Variants in FARSB observed in about 807,000 individuals in gnomAD.
FARSB encodes phenylalanine--tRNA ligase beta subunit.
Under a neutral mutation model 69.6 loss-of-function variants are expected in FARSB, and 40 were observed. The observed-to-expected ratio is 0.57, with a 90% confidence interval of 0.45 to 0.75. The LOEUF is 0.75. FARSB is among the 30% of genes least tolerant of loss of function. The pLI, the probability that FARSB is intolerant of heterozygous loss-of-function variation, is 0.00. For synonymous variants in FARSB, 235 were observed against 247.2 expected, an observed-to-expected ratio of 0.95 and a Z score of 0.46; for missense variants, 632 against 722.9, an observed-to-expected ratio of 0.87 and a Z score of 1.44.
chr2:222,572,070 C>A (rs781267081), intron 16 of FARSB, 48 bp from the exon 17 acceptor site: 1 of 1,539,414 alleles, frequency 6.5e-7, no homozygotes, highest in Admixed American at 1.8e-5. Context: ...TCTGGCAAAA[C>A]ATCAATAGAC....
chr2:222,622,068 C>T lies in FARSB; in HGVS notation c.1251+1582G>A, dbSNP rs182205988. On this transcript the variant is annotated intron_variant, in intron 13 of 16. Transcript: ENST00000281828. ...ATGGGCGGGAATCCCTGATCCACAG[C>T]CATGGCGTAGGACAAGTTACTTAAA... 2.2e-4 allele frequency among the ~76,000 whole-genome samples: 34 copies of T among 152,290 alleles called. No homozygotes were observed. In the East Asian group the frequency reaches 6.6e-3, roughly 29 times the overall value.
At chr2:222,576,607 A>T (rs1689846107) in intron 16 of FARSB, among the ~76,000 whole-genome samples, 1 of 152,120 alleles carries the variant, frequency 6.6e-6, no homozygotes, top group Non-Finnish European at 1.5e-5. Flanking sequence ...TGAAGGGAGG[A>T]ATAATCATTT....
intron 13 of FARSB, among the ~76,000 whole-genome samples, chr2:222,622,990 AAAG>A (rs1458066787): frequency 1.3e-5 from 2 of 152,196 alleles, no homozygotes; most frequent in South Asian, 4.1e-4. Flanking sequence ...CAGGGGAGAA[AAAG>A]AAGAAGCTTC....
intron 16 of FARSB, among the ~76,000 whole-genome samples, chr2:222,583,013 C>G (rs1018858821): frequency 1.7e-4 from 26 of 151,674 alleles, no homozygotes; most frequent in Admixed American, 1.3e-4. Flanking sequence ...AACACAGGAA[C>G]AGAAAACCAA....
At chr2:222,649,837 A>G (rs1323841720) in intron 1 of FARSB, among the ~76,000 whole-genome samples, 1 of 152,218 alleles carries the variant, frequency 6.6e-6, no homozygotes, top group East Asian at 1.9e-4. Flanking sequence ...AAAATTGAAC[A>G]CAAAACATCA....
intron 10 of FARSB, among the ~76,000 whole-genome samples, chr2:222,625,492 G>A (rs1691245378): frequency 6.6e-6 from 1 of 152,164 alleles, no homozygotes; most frequent in Admixed American, 6.5e-5. Context: ...TCAAAATGCG[G>A]TCCTCAGAGC....
intron 7 of FARSB, among the ~76,000 whole-genome samples, 178 bp from the exon 8 acceptor site, chr2:222,631,852 C>T (rs1691434055): frequency 6.6e-6 from 1 of 152,230 alleles, no homozygotes; most frequent in Admixed American, 6.5e-5. Flanking sequence ...GTGGGCGGAT[C>T]ACCTGAGGTC....
intron 16 of FARSB, among the ~76,000 whole-genome samples, chr2:222,575,977 CTT>C (rs34794440): frequency 4.3e-4 from 61 of 143,092 alleles, no homozygotes; most frequent in Middle Eastern, 3.5e-3. Context: ...TTTGCCTCAT[CTT>C]TTTTTTTTTT....
chr2:222,632,206 G>C (rs939292916), intron 7 of FARSB, among the ~76,000 whole-genome samples: 1 of 152,116 alleles, frequency 6.6e-6, no homozygotes, highest in African/African-American at 2.4e-5. Flanking sequence ...AGCTCCTACT[G>C]CAAGTTGAAG....
At chr2:222,633,682 C>CAA (rs10596934) in intron 6 of FARSB, among the ~76,000 whole-genome samples, 6 of 88,192 alleles carry the variant, frequency 6.8e-5, no homozygotes, top group Admixed American at 1.3e-4. Flanking sequence ...AACTCCGTCT[C>CAA]AAAAAAAAAA....
At chr2:222,615,001 G>T (rs933305254) in intron 14 of FARSB, among the ~76,000 whole-genome samples, 15 of 152,038 alleles carry the variant, frequency 9.9e-5, no homozygotes, top group Admixed American at 7.9e-4. Flanking sequence ...TGTAACTACA[G>T]TTCTAAACTT....
At chr2:222,582,792 G>C (rs945981949) in intron 16 of FARSB, among the ~76,000 whole-genome samples, 29 of 151,976 alleles carry the variant, frequency 1.9e-4, no homozygotes. Flanking sequence ...GGGTGTGGTG[G>C]CAGGCACCTG....
rs1689659567 is a variant in FARSB, at chr2:222,567,978, C to T, written c.*3893G>A. The T allele has an allele frequency of 6.6e-6, 1 of 152,098 alleles. No individual in the cohort carries two copies. The highest frequency in any genetic ancestry group is 1.5e-5 in the Non-Finnish European group (1 of 68,030). The allele number at this position is 152,098 out of a possible 1,614,324, so 9.4% of individuals were successfully genotyped here. On this transcript the variant is annotated 3_prime_UTR_variant, in exon 17 of 17. Transcript: ENST00000281828. ...AAAGAATGAGATAGGTCTATAGGCA[C>T]TGACCTGAAAAAATGGGGCATATTA...
intron 13 of FARSB, among the ~76,000 whole-genome samples, chr2:222,622,637 T>C (rs1574938375): frequency 6.6e-6 from 1 of 152,178 alleles, no homozygotes; most frequent in East Asian, 1.9e-4. Context: ...TGACATGGCA[T>C]TACAGACCTA....
At chr2:222,616,087 A>G (rs1355927144) in intron 14 of FARSB, among the ~76,000 whole-genome samples, 1 of 152,214 alleles carries the variant, frequency 6.6e-6, no homozygotes, top group Non-Finnish European at 1.5e-5. Context: ...AATTTACTGG[A>G]AATTTAGGGG....
chr2:222,646,224 T>C (rs1691851850), intron 2 of FARSB, among the ~76,000 whole-genome samples: 1 of 152,232 alleles, frequency 6.6e-6, no homozygotes, highest in Admixed American at 6.5e-5. Flanking sequence ...GGAGAGTCAC[T>C]ACAGACACCA....
chr2:222,599,916 C>G lies in FARSB; in HGVS notation c.1618+12G>C. 1.3e-6 allele frequency: 2 copies of G among 1,575,222 alleles called. No individual in the cohort carries two copies. Among genetic ancestry groups the G allele is most frequent in the Non-Finnish European group, 1.7e-6 (2 of 1,167,898 alleles). On this transcript the variant is annotated intron_variant, in intron 16 of 16. Coordinates refer to ENST00000281828, the MANE Select transcript of FARSB (RefSeq NM_005687.5). ...ACTGTCACTAACTCTGGATTCGGCT[C>G]ATCTGTCTTACCTTCTGATGCTTTG...
At chr2:222,575,010 CTT>C (rs1231626780) in intron 16 of FARSB, among the ~76,000 whole-genome samples, 5 of 152,222 alleles carry the variant, frequency 3.3e-5, no homozygotes, top group Non-Finnish European at 7.3e-5. Context: ...TCAAACCAAA[CTT>C]TGCAGGCAGA....
Position 222,624,782 on chromosome 2 carries a change from TAGAA to T in FARSB, c.901-11_901-8del, listed in dbSNP as rs1474284045. ...CCTTTCGGTAAGCTAATTCCTTAAA[TAGAA>T]AGAGTTTAAAAAGTAAATCATTTCC... On this transcript the variant is annotated splice_region_variant and splice_polypyrimidine_tract_variant and intron_variant, in intron 10 of 16. Coordinates refer to ENST00000281828, the MANE Select transcript of FARSB (RefSeq NM_005687.5). 6.4e-7 allele frequency: 1 copy of T among 1,562,058 alleles called. No individual in the cohort carries two copies. The highest frequency in any genetic ancestry group is 8.8e-7 in the Non-Finnish European group (1 of 1,141,144).
Sources: allele counts gnomAD v4.1 joint callset (sites outside exome capture counted in the v4.1 genomes callset), GRCh38; gene constraint gnomAD v4.1.1; transcripts MANE v1.5; gene names NCBI Gene and HGNC (gene_info 2026-07-23, HGNC 2026-07-21).